The following NLRP9 variants were observed in gnomAD, a reference collection of about 807,000 sequenced individuals.
NLRP9 encodes the protein NACHT, LRR and PYD domains-containing protein 9.
A neutral mutation model predicts 83.1 loss-of-function variants in NLRP9; 88 were observed. The ratio of observed to expected loss-of-function variants is 1.06; its 90% confidence interval spans 0.89 to 1.26. The LOEUF (loss-of-function observed/expected upper bound fraction) is 1.26. Among genes scored for constraint, NLRP9 ranks in the 50% most tolerant of loss-of-function variants. The pLI, the probability that NLRP9 is intolerant of heterozygous loss-of-function variation, is 0.00. For missense variants in NLRP9, 1,308 were observed against 1,179.3 expected, an observed-to-expected ratio of 1.11 and a Z score of -1.60; for synonymous variants, 521 against 447.6, an observed-to-expected ratio of 1.16 and a Z score of -2.07.
rs780877323 is a variant in NLRP9, at chr19:55,733,024, G to T, written c.807C>A (p.Ser269=). 1 of 1,613,646 alleles carries T rather than the reference G, an allele frequency of 6.2e-7. No homozygotes were observed. The highest frequency in any genetic ancestry group is 1.3e-5 in the African/African-American group (1 of 74,886). The change falls in exon 2 of 9, where the codon TCC becomes TCA. Residue 269 remains serine (S), a synonymous_variant. Transcript: ENST00000332836. The part of the protein sequence containing the change: ...SLLQKKMLPE[S]SLLIALGKLA... ...GTTTTCCTAATGCAATAAGGAGAGA[G>T]GATTCTGGAAGCATCTTTTTTTGCA...
chr19:55,708,720 G>T lies in NLRP9; in HGVS notation c.*192C>A. 2 of 440,838 alleles carry T rather than the reference G, an allele frequency of 4.5e-6. No individual in the cohort carries two copies. The highest frequency in any genetic ancestry group is 8.1e-6 in the Non-Finnish European group (2 of 248,114). The allele number at this position is 440,838 out of a possible 1,614,324, so 27.3% of individuals were successfully genotyped here. On this transcript the variant is annotated 3_prime_UTR_variant, in exon 9 of 9. Coordinates refer to ENST00000332836, the MANE Select transcript of NLRP9 (RefSeq NM_176820.4). ...GATTTCTAAAGACAAGGGGATATAG[G>T]ACCGAGGCAAAGACAATCAGCATGT...
chr19:55,722,349 A>C (rs563192916), intron 4 of NLRP9, among the ~76,000 whole-genome samples: 1 of 152,162 alleles, frequency 6.6e-6, no homozygotes, highest in Admixed American at 6.5e-5. Flanking sequence ...CTGAGAAGAG[A>C]AAGTTAGAGT....
At chr19:55,726,939 A>C (rs1178617856) in intron 3 of NLRP9, among the ~76,000 whole-genome samples, 1 of 152,256 alleles carries the variant, frequency 6.6e-6, no homozygotes, top group East Asian at 1.9e-4. Flanking sequence ...ATTTCTGGAC[A>C]ACTTAAAATG....
At position 55,729,886 on chromosome 19, in the gene NLRP9, G is replaced by C; in HGVS notation, c.1939C>G (p.Leu647Val). ...GCCAGCGCTTTGCAAAGAATCGCCA[G>C]GGAGGGATCATCGAGGCTGGTATTT... ...MENTSLDDPS[L>V]AILCKALAQP... Residue 647 changes from leucine to valine, a missense_variant, in exon 3 of 9, where the codon CTG becomes GTG. Coordinates refer to ENST00000332836, the MANE Select transcript of NLRP9 (RefSeq NM_176820.4). 6.2e-7 allele frequency: 1 copy of C among 1,613,866 alleles called. No homozygotes were observed.
intron 4 of NLRP9, among the ~76,000 whole-genome samples, chr19:55,717,123 T>A (rs1260166040): frequency 2.2e-5 from 3 of 139,402 alleles, no homozygotes; most frequent in African/African-American, 5.5e-5. Context: ...AACCTCCACC[T>A]CCCGGGTTCA....
chr19:55,712,499 G>A lies in NLRP9; in HGVS notation c.2593C>T (p.His865Tyr). Residue 865 changes from histidine (H) to tyrosine (Y), a missense_variant, in exon 7 of 9, where the codon CAT (histidine) becomes TAT (tyrosine). By Grantham distance (83) the His-to-Tyr change is moderately conservative. Coordinates refer to ENST00000332836, the MANE Select transcript of NLRP9 (RefSeq NM_176820.4). ...NGKLKTLKLG[H>Y]NEIGDTGVRQ... ...ACACCAGTGTCTCCTATTTCATTATGCCCAAGTTTCAGGGTCTTCAGTTTC... is the reference window on the plus strand; with the variant it reads ...ACACCAGTGTCTCCTATTTCATTATACCCAAGTTTCAGGGTCTTCAGTTTC... 12 of 1,612,614 alleles carry A rather than the reference G, an allele frequency of 7.4e-6. No homozygotes were observed. The highest frequency in any genetic ancestry group is 1.0e-5 in the Non-Finnish European group (12 of 1,179,688).
rs1242108619 is a variant in NLRP9 at position 55,715,209 on chromosome 19, GAC to G, written c.2345_2346del (p.Cys782SerfsTer7). 7 of 1,613,176 alleles carry G rather than the reference GAC, an allele frequency of 4.3e-6. No homozygotes were observed. Among genetic ancestry groups the G allele is most frequent in the African/African-American group, 2.7e-5 (2 of 74,902 alleles). ...ALERLMLMYC[C>X]LTSVSCDSIS... is the part of the protein sequence containing the mutation. ...ATGGAGTCACAGGAGACAGAGGTGA[GAC>G]AGCAGTACATCAACCTGCAAAGAAA... On this transcript the variant is annotated frameshift_variant, in exon 6 of 9. Transcript: ENST00000332836. LOFTEE classifies it high-confidence loss of function.
chr19:55,719,123 G>A (rs1258697619), intron 4 of NLRP9, among the ~76,000 whole-genome samples: 2 of 152,174 alleles, frequency 1.3e-5, no homozygotes, highest in South Asian at 2.1e-4. Flanking sequence ...TTGACCAACC[G>A]GCTATACATG....
At position 55,709,047 on chromosome 19, in the gene NLRP9, G is replaced by T. The variant is rs1259493996; in HGVS notation, c.2844-3C>A. On this transcript the variant is annotated splice_region_variant and splice_polypyrimidine_tract_variant and intron_variant, in intron 8 of 8. Transcript: ENST00000332836. ...CATCAAAGCCAGATTTGTGCAGCCT[G>T]GGAAAATAGAAATAAAGTTTTTTTT... 6.4e-7 allele frequency: 1 copy of T among 1,554,990 alleles called. No homozygotes were observed. The highest frequency in any genetic ancestry group is 8.6e-7 in the Non-Finnish European group (1 of 1,161,246).
rs1176727627 is a variant in NLRP9 at position 55,732,695 on chromosome 19, C to G, written c.1136G>C (p.Gly379Ala). 6.2e-7 allele frequency: 1 copy of G among 1,614,158 alleles called. No homozygotes were observed. The highest frequency in any genetic ancestry group is 1.1e-5 in the South Asian group (1 of 91,066). Reference sequence around the variant, plus strand: ...CACCTTAGGTGGAAAACTCTGACTTCCTGCTTTGAATACAGTTGTTAAAAA... The same window carrying G: ...CACCTTAGGTGGAAAACTCTGACTTGCTGCTTTGAATACAGTTGTTAAAAA... Reference protein sequence around the residue: ...ASFLTTVFKAGSQSFPPKVNR... With the variant: ...ASFLTTVFKAASQSFPPKVNR... Residue 379 changes from glycine (G) to alanine (A), a missense_variant, in exon 2 of 9, where the codon GGA becomes GCA. Gly to Ala is a moderately conservative substitution (Grantham distance 60). Coordinates refer to ENST00000332836, the MANE Select transcript of NLRP9 (RefSeq NM_176820.4).
chr19:55,730,685 C>A (rs1988545982), intron 2 of NLRP9, among the ~76,000 whole-genome samples: 1 of 152,112 alleles, frequency 6.6e-6, no homozygotes, highest in Non-Finnish European at 1.5e-5. Flanking sequence ...CATGTTCTCA[C>A]TTGTAAGTAG....
rs369094870 is a variant in NLRP9 at position 55,724,067 on chromosome 19, C to T, written c.2072G>A (p.Ser691Asn). 6 of 1,613,626 alleles carry T rather than the reference C, an allele frequency of 3.7e-6. No homozygotes were observed. The highest frequency in any genetic ancestry group is 5.1e-6 in the Non-Finnish European group (6 of 1,179,706). ...CTGGGAGAGGCTAGTGCCGTACAGG[C>T]TCAGAAGTTTCAGATGAGGGTTGTG... Reference protein sequence around the residue: ...VLHNPHLKLLSLYGTSLSQSD... With the variant: ...VLHNPHLKLLNLYGTSLSQSD... Residue 691 changes from serine to asparagine, a missense_variant, in exon 4 of 9, where the codon AGC becomes AAC. By Grantham distance (46) the Ser-to-Asn change is conservative. Transcript: ENST00000332836.
rs1264848466 is a variant in NLRP9 at position 55,732,657 on chromosome 19, G to T, written c.1174C>A (p.Leu392Ile). The T allele has an allele frequency of 1.2e-6, 2 of 1,614,080 alleles. No homozygotes were observed. The highest frequency in any genetic ancestry group is 1.7e-6 in the Non-Finnish European group (2 of 1,180,042). The change falls in exon 2 of 9, where the codon CTA (leucine) becomes ATA (isoleucine). Residue 392 changes from leucine to isoleucine, a missense_variant. By Grantham distance (5) the Leu-to-Ile change is conservative. Coordinates refer to ENST00000332836, the MANE Select transcript of NLRP9 (RefSeq NM_176820.4). ...SFPPKVNRAR[L>I]KSLCALAAEG... ...GCAGCCAAAGCACACAGGCTTTTTAGTCGGGCTCTGTTCACCTTAGGTGGA... is the reference window on the plus strand; with the variant it reads ...GCAGCCAAAGCACACAGGCTTTTTATTCGGGCTCTGTTCACCTTAGGTGGA...
chr19:55,733,285 C>A lies in NLRP9; in HGVS notation c.546G>T (p.Val182=), dbSNP rs1217070988. 1 of 1,613,994 alleles carries A rather than the reference C, an allele frequency of 6.2e-7. No homozygotes were observed. The highest frequency in any genetic ancestry group is 2.2e-5 in the East Asian group (1 of 44,896). The change falls in exon 2 of 9, where the codon GTG becomes GTT. Residue 182 remains valine, a synonymous_variant. Coordinates refer to ENST00000332836, the MANE Select transcript of NLRP9 (RefSeq NM_176820.4). The stretch of plus-strand genomic sequence containing the variant: ...TCATTTCACAGACATTGAGGAAAAA[C>A]ACAAATGTGAACCTGTCCTTCCATA... ...GNLWKDRFTF[V]FFLNVCEMNG... is the part of the protein sequence containing the mutation.
Position 55,708,873 on chromosome 19 carries a change from G to A in NLRP9, c.*39C>T. 6.8e-7 allele frequency: 1 copy of A among 1,473,428 alleles called. No individual in the cohort carries two copies. The highest frequency in any genetic ancestry group is 9.0e-7 in the Non-Finnish European group (1 of 1,110,090). The allele number at this position is 1,473,428 out of a possible 1,614,324, so 91.3% of individuals were successfully genotyped here. A position where few individuals can be genotyped will look rare whatever the true frequency, so the allele number is the denominator to read the frequency against. ...AGGTGAAGGTCCCACTGTGGCCAAG[G>A]AAAGCCTTTGTGAGACGACTACTTC... On this transcript the variant is annotated 3_prime_UTR_variant, in exon 9 of 9. Transcript: ENST00000332836.
At chr19:55,734,068 G>T (rs1361509167) in intron 1 of NLRP9, among the ~76,000 whole-genome samples, 1 of 151,122 alleles carries the variant, frequency 6.6e-6, no homozygotes, top group Non-Finnish European at 1.5e-5. Flanking sequence ...GGCTACAGGC[G>T]CCCGCCACTA....
chr19:55,734,774 A>T (rs1237191502), intron 1 of NLRP9, among the ~76,000 whole-genome samples: 2 of 151,840 alleles, frequency 1.3e-5, no homozygotes, highest in Non-Finnish European at 2.9e-5. Context: ...AGCTGGGATT[A>T]CAGGCACCTG....
chr19:55,733,159 C>G lies in NLRP9; in HGVS notation c.672G>C (p.Leu224=), dbSNP rs144015149. The G allele has an allele frequency of 1.2e-4, 193 of 1,614,006 alleles. No individual in the cohort carries two copies. The highest frequency in any genetic ancestry group is 1.5e-4 in the Non-Finnish European group (182 of 1,180,042). Residue 224 remains leucine, a synonymous_variant, in exon 2 of 9, where the codon CTG becomes CTC. Transcript: ENST00000332836. ...GTTGCTCAAAGCCATCCATGATGAA[C>G]AGAATTCTCTCTGGCTGGGAAAAAA... ...EDIFSQPERI[L]FIMDGFEQLK...
intron 8 of NLRP9, 41 bp from the exon 9 acceptor site, chr19:55,709,085 T>G: frequency 6.7e-7 from 1 of 1,490,468 alleles, no homozygotes; most frequent in South Asian, 1.3e-5. Flanking sequence ...TGTTTTTCAT[T>G]TTTACACAGT....
Sources: gnomAD v4.1 joint callset for allele counts (sites outside exome capture counted in the v4.1 genomes callset) on GRCh38, gnomAD v4.1.1 for gene constraint, MANE v1.5 for transcripts, NCBI Gene and HGNC (gene_info 2026-07-23, HGNC 2026-07-21) for gene names.